The following IGSF21 variants were observed in gnomAD, a reference collection of about 807,000 sequenced individuals.
IGSF21 encodes the protein immunoglobin superfamily member 21, also known as immunoglobulin superfamily member 21.
Under a neutral mutation model 46.8 loss-of-function variants are expected in IGSF21, and 28 were observed. That is an observed-to-expected ratio of 0.60 (90% CI 0.44 to 0.82). The LOEUF (loss-of-function observed/expected upper bound fraction) is 0.82. Among genes scored for constraint, IGSF21 ranks in the 40% least tolerant of loss-of-function variants. The probability of loss-of-function intolerance (pLI) is 0.00; values close to 1 mark genes in which losing one functional copy is unlikely to be tolerated. For synonymous variants in IGSF21, 284 were observed against 273.6 expected (o/e 1.04, Z -0.38); for missense variants, 624 against 665.5 (o/e 0.94, Z 0.69).
intron 2 of IGSF21, among the ~76,000 whole-genome samples, chr1:18,230,636 A>G (rs1480703301): frequency 6.6e-6 from 1 of 152,036 alleles, no homozygotes; most frequent in African/African-American, 2.4e-5. Context: ...CAGAGGAAGG[A>G]AGGAAATTCC....
intron 1 of IGSF21, among the ~76,000 whole-genome samples, chr1:18,151,667 C>T (rs1040814848): frequency 2.6e-5 from 4 of 151,946 alleles, no homozygotes; most frequent in Admixed American, 1.3e-4. Context: ...CAGGCCTGGG[C>T]GACACTTATT....
rs537466741 is a variant in IGSF21, at chr1:18,143,730, G to A, written c.70+35532G>A. Among the ~76,000 whole-genome samples the A allele has an allele frequency of 7.2e-5, 11 of 152,284 alleles. No individual in the cohort carries two copies. In the East Asian group the frequency reaches 2.1e-3, roughly 29 times the overall value. On this transcript the variant is annotated intron_variant, in intron 1 of 9. Coordinates refer to ENST00000251296, the MANE Select transcript of IGSF21 (RefSeq NM_032880.5). ...TTCAGAAAGTCCTCTGCACACAGGTGACCTGGTAGGCCCGTGCCTTCCCTT... is the reference window on the plus strand; with the variant it reads ...TTCAGAAAGTCCTCTGCACACAGGTAACCTGGTAGGCCCGTGCCTTCCCTT...
intron 1 of IGSF21, among the ~76,000 whole-genome samples, chr1:18,193,466 C>A (rs1330032241): frequency 6.6e-6 from 1 of 152,134 alleles, no homozygotes; most frequent in Non-Finnish European, 1.5e-5. Flanking sequence ...TGGCTGTCTG[C>A]AGGCTGAGGA....
At chr1:18,231,468 GT>G (rs1376396708) in intron 2 of IGSF21, among the ~76,000 whole-genome samples, 3 of 152,244 alleles carry the variant, frequency 2.0e-5, no homozygotes, top group African/African-American at 7.2e-5. Flanking sequence ...GTCTGGCCAA[GT>G]GGGGAGGAGC....
intron 2 of IGSF21, among the ~76,000 whole-genome samples, chr1:18,248,098 A>G (rs945882901): frequency 2.0e-5 from 3 of 152,342 alleles, no homozygotes; most frequent in Admixed American, 1.3e-4. Flanking sequence ...TTTTTCCTCT[A>G]GTGCTGGAGA....
intron 4 of IGSF21, among the ~76,000 whole-genome samples, chr1:18,336,604 C>T (rs765914564): frequency 8.5e-5 from 13 of 152,308 alleles, no homozygotes; most frequent in East Asian, 1.9e-4. Flanking sequence ...GCGCTAAGGC[C>T]TCAATCTAAG....
intron 1 of IGSF21, among the ~76,000 whole-genome samples, chr1:18,193,489 A>C (rs1356025063): frequency 6.6e-6 from 1 of 152,208 alleles, no homozygotes; most frequent in Non-Finnish European, 1.5e-5. Flanking sequence ...CAGGAGTGCC[A>C]GTCTGAGTTC....
At chr1:18,249,569 C>T (rs1299839386) in intron 2 of IGSF21, among the ~76,000 whole-genome samples, 1 of 152,130 alleles carries the variant, frequency 6.6e-6, no homozygotes, top group Admixed American at 6.5e-5. Context: ...TCAGCCGGCA[C>T]AGTTAGATGG....
At chr1:18,163,219 T>C (rs2124447293) in intron 1 of IGSF21, among the ~76,000 whole-genome samples, 1 of 151,892 alleles carries the variant, frequency 6.6e-6, no homozygotes, top group East Asian at 1.9e-4. Flanking sequence ...ATTTACCTTC[T>C]GGAATTGTTG....
Position 18,231,922 on chromosome 1 carries a change from CGTGTGTGTGTGTGTGT to C in IGSF21, c.183+3936_183+3951del, listed in dbSNP as rs150869622. ...ATTTGGTAACCTGACATCATTAGATCGTGTGTGTGTGTGTGTGTGTGTGTGTGTGTGTGTGTGTGGT... is the reference window on the plus strand; with the variant it reads ...ATTTGGTAACCTGACATCATTAGATCGTGTGTGTGTGTGTGTGTGTGTGGT... On this transcript the variant is annotated intron_variant, in intron 2 of 9. Coordinates refer to ENST00000251296, the MANE Select transcript of IGSF21 (RefSeq NM_032880.5). Among the ~76,000 whole-genome samples, 541 of 136,522 alleles carry C rather than the reference CGTGTGTGTGTGTGTGT, an allele frequency of 4.0e-3. 2 individuals are homozygous for C. Among genetic ancestry groups the C allele is most frequent in the African/African-American group, 0.014 (521 of 37,126 alleles). The allele number at this position is 136,522 out of a possible 152,430, so 89.6% of individuals were successfully genotyped here.
At chr1:18,203,174 G>T (rs913627299) in intron 1 of IGSF21, among the ~76,000 whole-genome samples, 5 of 152,186 alleles carry the variant, frequency 3.3e-5, no homozygotes, top group African/African-American at 1.2e-4. Flanking sequence ...GGTCCTTCCT[G>T]CTGAGCCCAC....
At chr1:18,359,371 A>AAGGCAGGAAGG (rs2086062999) in intron 4 of IGSF21, among the ~76,000 whole-genome samples, 2 of 100,594 alleles carry the variant, frequency 2.0e-5, no homozygotes, top group African/African-American at 3.8e-5. Flanking sequence ...AGAAAGAAAG[A>AAGGCAGGAAGG]AAGAAAGAAA....
chr1:18,317,914 G>GT (rs1557640956), intron 3 of IGSF21, among the ~76,000 whole-genome samples: 1 of 152,186 alleles, frequency 6.6e-6, no homozygotes, highest in Non-Finnish European at 1.5e-5. Context: ...ACACAGAGTG[G>GT]TAGAGTGACT....
At chr1:18,367,837 T>G (rs1376823913) in intron 6 of IGSF21, among the ~76,000 whole-genome samples, 2 of 151,414 alleles carry the variant, frequency 1.3e-5, no homozygotes, top group Non-Finnish European at 1.5e-5. Flanking sequence ...ACTCCCAACC[T>G]CAGGTGATCC....
intron 1 of IGSF21, among the ~76,000 whole-genome samples, chr1:18,162,339 AC>A (rs1379498136): frequency 6.6e-6 from 1 of 152,132 alleles, no homozygotes; most frequent in Non-Finnish European, 1.5e-5. Context: ...GAGCCACCGC[AC>A]CTGGCCCAAT....
chr1:18,320,338 ACAGT>A (rs34977403), intron 3 of IGSF21, among the ~76,000 whole-genome samples: 47,210 of 151,852 alleles, frequency 0.31, 9,071 homozygotes, highest in Non-Finnish European at 0.42. Flanking sequence ...GTAGCGCAGG[ACAGT>A]CAAACATAAT....
intron 2 of IGSF21, among the ~76,000 whole-genome samples, chr1:18,269,988 T>A (rs1180406272): frequency 1.3e-5 from 2 of 152,080 alleles, no homozygotes; most frequent in African/African-American, 4.8e-5. Context: ...CTTCTGGAGG[T>A]AACCTTCTAA....
intron 1 of IGSF21, among the ~76,000 whole-genome samples, chr1:18,129,935 T>C (rs2086303648): frequency 6.6e-6 from 1 of 152,138 alleles, no homozygotes; most frequent in Admixed American, 6.5e-5. Context: ...CCTCGTCAGA[T>C]GCCAGCCTCT....
chr1:18,211,115 G>A (rs774655924), intron 1 of IGSF21, among the ~76,000 whole-genome samples: 4 of 152,112 alleles, frequency 2.6e-5, no homozygotes, highest in African/African-American at 4.8e-5. Flanking sequence ...CAAGTGATCC[G>A]CCCTCCTTGG....
Sources: gnomAD v4.1 joint callset for allele counts (sites outside exome capture counted in the v4.1 genomes callset) on GRCh38, gnomAD v4.1.1 for gene constraint, MANE v1.5 for transcripts, NCBI Gene and HGNC (gene_info 2026-07-23, HGNC 2026-07-21) for gene names.